Variants in PDHX observed in about 807,000 individuals in gnomAD.
PDHX encodes pyruvate dehydrogenase complex component X.
PDHX carries 33 observed loss-of-function variants against 55.3 expected under a neutral mutation model. That is an observed-to-expected ratio of 0.60 (90% confidence interval 0.45 to 0.80). The LOEUF (loss-of-function observed/expected upper bound fraction) is 0.80. Among genes scored for constraint, PDHX ranks in the 30% least tolerant of loss-of-function variants. PDHX has a pLI of 0.00. For missense variants in PDHX, 622 were observed against 619.9 expected, an observed-to-expected ratio of 1.00 and a Z score of -0.04; for synonymous variants, 226 against 219.4, an observed-to-expected ratio of 1.03 and a Z score of -0.27.
intron 1 of PDHX, among the ~76,000 whole-genome samples, chr11:34,923,617 G>T (rs1376505609): frequency 1.4e-5 from 2 of 145,166 alleles, no homozygotes; most frequent in East Asian, 1.9e-4. Context: ...AGATTTTTTT[G>T]TTGTTGTTTT....
chr11:34,976,605 A>G (rs543252506), intron 7 of PDHX, among the ~76,000 whole-genome samples: 1 of 152,286 alleles, frequency 6.6e-6, no homozygotes, highest in African/African-American at 2.4e-5. Flanking sequence ...TGGAACTTCT[A>G]GCCTGGGGAG....
rs1391109847 is a variant in PDHX, at chr11:34,995,516, A to G, written c.*344A>G. On this transcript the variant is annotated 3_prime_UTR_variant, in exon 11 of 11. Coordinates refer to ENST00000227868, the MANE Select transcript of PDHX (RefSeq NM_003477.3). ...TTTGGAATATTTGAGAATGTATGAT[A>G]CATGTAAAATTAAAAAAACTATTAG... 9.3e-6 allele frequency: 3 copies of G among 322,158 alleles called. No individual in the cohort carries two copies. Among genetic ancestry groups the G allele is most frequent in the Non-Finnish European group, 1.8e-5 (3 of 167,012 alleles). The allele number at this position is 322,158 out of a possible 1,614,324, so 20.0% of individuals were successfully genotyped here. A position where few individuals can be genotyped will look rare whatever the true frequency, so the allele number is the denominator to read the frequency against.
intron 7 of PDHX, among the ~76,000 whole-genome samples, chr11:34,974,189 C>G (rs905594417): frequency 6.6e-6 from 1 of 152,216 alleles, no homozygotes; most frequent in Admixed American, 6.5e-5. Context: ...CCCACCACCC[C>G]TGACAATCAC....
At chr11:34,960,358 G>T (rs1854996666) in intron 4 of PDHX, 62 bp from the exon 5 acceptor site, 2 of 1,061,122 alleles carry the variant, frequency 1.9e-6, no homozygotes, top group South Asian at 2.6e-5. Flanking sequence ...TTGACATTTA[G>T]ATCTATTTGA....
At chr11:34,938,098 G>A (rs1854379112) in intron 2 of PDHX, among the ~76,000 whole-genome samples, 1 of 152,194 alleles carries the variant, frequency 6.6e-6, no homozygotes, top group South Asian at 2.1e-4. Flanking sequence ...CAAACCTCAA[G>A]GGTGGGCTGA....
intron 2 of PDHX, among the ~76,000 whole-genome samples, chr11:34,932,888 C>T (rs1451915301): frequency 3.3e-5 from 5 of 152,026 alleles, no homozygotes; most frequent in Non-Finnish European, 7.4e-5. Context: ...ACTGTATCTA[C>T]ACCTGTAAAA....
intron 1 of PDHX, among the ~76,000 whole-genome samples, chr11:34,928,626 T>C (rs188946400): frequency 2.6e-5 from 4 of 152,266 alleles, no homozygotes; most frequent in Non-Finnish European, 5.9e-5. Context: ...CCACATAGTG[T>C]AGAGGATTAG....
intron 9 of PDHX, among the ~76,000 whole-genome samples, chr11:34,985,180 C>T (rs1022226477): frequency 6.6e-6 from 1 of 152,310 alleles, no homozygotes. Flanking sequence ...CGGTGTCTCA[C>T]GCCTGTAATG....
At chr11:34,983,914 GA>G (rs1411755564) in intron 8 of PDHX, among the ~76,000 whole-genome samples, 2 of 152,204 alleles carry the variant, frequency 1.3e-5, no homozygotes, top group African/African-American at 2.4e-5. Context: ...CAAAGAATTG[GA>G]AAAAACTATT....
chr11:34,968,282 T>C (rs2133982223), intron 6 of PDHX, among the ~76,000 whole-genome samples: 1 of 150,788 alleles, frequency 6.6e-6, no homozygotes, highest in South Asian at 2.1e-4. Context: ...AAAAAAGTTA[T>C]TCAAATTAAG....
intron 2 of PDHX, among the ~76,000 whole-genome samples, chr11:34,933,879 A>G (rs1049224535): frequency 2.6e-5 from 4 of 152,156 alleles, no homozygotes; most frequent in Non-Finnish European, 5.9e-5. Context: ...AATATATTTC[A>G]ATACATTAAA....
At position 34,924,754 on chromosome 11, in the gene PDHX, T is replaced by C. The variant is rs971518391; in HGVS notation, c.161-6650T>C. Among the ~76,000 whole-genome samples the C allele has an allele frequency of 5.9e-5, 9 of 152,270 alleles. No individual in the cohort carries two copies. In the South Asian group the frequency reaches 1.0e-3, roughly 18 times the overall value. On this transcript the variant is annotated intron_variant, in intron 1 of 10. Transcript: ENST00000227868. The stretch of plus-strand genomic sequence containing the variant: ...AGCACAATAGTACATGCATATAGTT[T>C]AAATAGTACTGAAAGGCTTGTAACA...
chr11:34,982,863 A>G (rs1412315441), intron 8 of PDHX, among the ~76,000 whole-genome samples: 1 of 152,218 alleles, frequency 6.6e-6, no homozygotes, highest in Non-Finnish European at 1.5e-5. Flanking sequence ...AGCTGTTACC[A>G]TTCCTTCTGA....
intron 7 of PDHX, among the ~76,000 whole-genome samples, chr11:34,976,588 T>C (rs2133989639): frequency 6.6e-6 from 1 of 152,224 alleles, no homozygotes; most frequent in East Asian, 1.9e-4. Context: ...AACCTTGGAA[T>C]TGGAACTGGA....
chr11:34,930,360 A>G (rs1854127454), intron 1 of PDHX, among the ~76,000 whole-genome samples: 1 of 152,254 alleles, frequency 6.6e-6, no homozygotes, highest in Non-Finnish European at 1.5e-5. Context: ...AAAATGCAGT[A>G]CAAGTTATTC....
chr11:34,934,914 T>A (rs1590734719), intron 2 of PDHX, among the ~76,000 whole-genome samples: 3 of 139,350 alleles, frequency 2.2e-5, no homozygotes, highest in South Asian at 4.3e-4. Flanking sequence ...AATAATATTT[T>A]GGTTATATTT....
intron 1 of PDHX, among the ~76,000 whole-genome samples, chr11:34,920,399 C>T (rs1414989779): frequency 6.6e-6 from 1 of 151,792 alleles, no homozygotes; most frequent in Admixed American, 6.6e-5. Context: ...TATAGATGTT[C>T]AATAAACATA....
intron 9 of PDHX, 48 bp from the exon 10 acceptor site, chr11:34,992,267 C>G: frequency 9.6e-7 from 1 of 1,036,644 alleles, no homozygotes; most frequent in East Asian, 2.4e-5. Context: ...ACAAGATCAA[C>G]TGTATAACAT....
rs370923048 is a variant in PDHX, at chr11:34,956,638, A to G, written c.343-746A>G. On this transcript the variant is annotated intron_variant, in intron 3 of 10. Transcript: ENST00000227868. The stretch of plus-strand genomic sequence containing the variant: ...AATGCTGCTGAAATGCTTAAAATAT[A>G]CTTAACTTTTAAAAACATTATCTTT... Among the ~76,000 whole-genome samples the G allele has an allele frequency of 1.7e-3, 261 of 152,250 alleles. 1 individual carries two copies. The highest frequency in any genetic ancestry group is 2.4e-3 in the Non-Finnish European group (163 of 67,978).
Sources: allele counts gnomAD v4.1 joint callset (sites outside exome capture counted in the v4.1 genomes callset), GRCh38; gene constraint gnomAD v4.1.1; transcripts MANE v1.5; gene names NCBI Gene and HGNC (gene_info 2026-07-23, HGNC 2026-07-21).